The following C1orf21 variants were observed in gnomAD, a reference collection of about 807,000 sequenced individuals.
C1orf21 encodes the protein chromosome 1 open reading frame 21, also known as uncharacterized protein C1orf21.
A neutral mutation model predicts 18.7 loss-of-function variants in C1orf21; 3 were observed. That is an observed-to-expected ratio of 0.16 (90% CI 0.07 to 0.42). The LOEUF (loss-of-function observed/expected upper bound fraction) is 0.42, where lower values mean the gene tolerates loss of function less well. Among genes scored for constraint, C1orf21 ranks in the 10% least tolerant of loss-of-function variants. C1orf21 has a pLI of 0.99. For synonymous variants in C1orf21, 41 were observed against 46.4 expected, an observed-to-expected ratio of 0.88 and a Z score of 0.47; for missense variants, 104 against 143.6, an observed-to-expected ratio of 0.72 and a Z score of 1.41.
chr1:184,478,057 GT>G (rs200576585), intron 2 of C1orf21, among the ~76,000 whole-genome samples: 2 of 151,964 alleles, frequency 1.3e-5, no homozygotes, highest in African/African-American at 4.8e-5. Flanking sequence ...GAACATGGAG[GT>G]TTTTTTTGCA....
At chr1:184,396,189 CA>C (rs1167313485) in intron 1 of C1orf21, among the ~76,000 whole-genome samples, 1 of 152,066 alleles carries the variant, frequency 6.6e-6, no homozygotes, top group Non-Finnish European at 1.5e-5. Context: ...ACTTTTTGCC[CA>C]CAATATAAGC....
intron 3 of C1orf21, among the ~76,000 whole-genome samples, chr1:184,519,412 A>G (rs1241111465): frequency 6.6e-6 from 1 of 152,244 alleles, no homozygotes; most frequent in Non-Finnish European, 1.5e-5. Flanking sequence ...TAGAAAGTAG[A>G]AAGAAGCTCT....
intron 1 of C1orf21, among the ~76,000 whole-genome samples, chr1:184,447,405 G>A (rs572508947): frequency 1.3e-5 from 2 of 152,140 alleles, no homozygotes; most frequent in African/African-American, 2.4e-5. Context: ...GAATAATCAC[G>A]TTTCATGGCT....
rs6693776 is a variant in C1orf21 at position 184,511,057 on chromosome 1, G to A, written c.189+3375G>A. Among the ~76,000 whole-genome samples, 421 of 152,308 alleles carry A rather than the reference G, an allele frequency of 2.8e-3. 1 individual carries two copies. Among genetic ancestry groups the A allele is most frequent in the African/African-American group, 9.2e-3 (383 of 41,574 alleles). ...TGCCAAGATTTAGACCCGCTGGAAC[G>A]ATGATGAGTTGGTGGTGGTGAGAGT... is the stretch of plus-strand genomic sequence containing the variant. On this transcript the variant is annotated intron_variant, in intron 3 of 5. Transcript: ENST00000235307.
At chr1:184,512,978 C>T (rs1037379536) in intron 3 of C1orf21, among the ~76,000 whole-genome samples, 6 of 152,204 alleles carry the variant, frequency 3.9e-5, no homozygotes, top group African/African-American at 1.4e-4. Flanking sequence ...CATAGGAGAA[C>T]AAGCCCTATC....
intron 5 of C1orf21, among the ~76,000 whole-genome samples, chr1:184,606,667 A>G (rs1188725769): frequency 6.6e-6 from 1 of 152,140 alleles, no homozygotes; most frequent in Non-Finnish European, 1.5e-5. Context: ...AAACAAAATC[A>G]TAGAAATTGT....
intron 3 of C1orf21, among the ~76,000 whole-genome samples, chr1:184,525,534 A>C (rs1242269611): frequency 6.6e-6 from 1 of 152,126 alleles, no homozygotes; most frequent in Non-Finnish European, 1.5e-5. Flanking sequence ...TGATATGCAC[A>C]GGAACTTAGT....
chr1:184,416,317 A>G (rs1017056035), intron 1 of C1orf21, among the ~76,000 whole-genome samples: 5 of 152,190 alleles, frequency 3.3e-5, no homozygotes, highest in African/African-American at 1.2e-4. Context: ...GATGATTTTA[A>G]CCTATAAGAA....
intron 2 of C1orf21, among the ~76,000 whole-genome samples, chr1:184,497,767 G>A (rs1657914064): frequency 6.6e-6 from 1 of 152,146 alleles, no homozygotes; most frequent in African/African-American, 2.4e-5. Flanking sequence ...GTATAACCCA[G>A]ATAAAGTCAG....
chr1:184,400,676 A>ATTT (rs1198710642), intron 1 of C1orf21, among the ~76,000 whole-genome samples: 6 of 148,394 alleles, frequency 4.0e-5, no homozygotes, highest in East Asian at 2.0e-4. Flanking sequence ...TTAGTGGGGA[A>ATTT]TTTTTTGTTG....
chr1:184,519,283 A>C (rs1658272764), intron 3 of C1orf21, among the ~76,000 whole-genome samples: 1 of 152,150 alleles, frequency 6.6e-6, no homozygotes, highest in Non-Finnish European at 1.5e-5. Flanking sequence ...CTGTCCAGTA[A>C]AGGATAGCAT....
At chr1:184,471,482 A>G (rs1657496016) in intron 1 of C1orf21, among the ~76,000 whole-genome samples, 1 of 152,108 alleles carries the variant, frequency 6.6e-6, no homozygotes, top group African/African-American at 2.4e-5. Context: ...CATCCTTTAT[A>G]TCACTACTTG....
chr1:184,411,313 C>CT (rs1488851190), intron 1 of C1orf21, among the ~76,000 whole-genome samples: 1 of 151,424 alleles, frequency 6.6e-6, no homozygotes, highest in East Asian at 1.9e-4. Context: ...TAGAATGTTG[C>CT]TTGCTGGGCA....
chr1:184,448,451 G>A (rs1374788648), intron 1 of C1orf21, among the ~76,000 whole-genome samples: 3 of 152,330 alleles, frequency 2.0e-5, no homozygotes, highest in African/African-American at 7.2e-5. Flanking sequence ...GAATCCTTGG[G>A]TGCTACATAT....
intron 4 of C1orf21, among the ~76,000 whole-genome samples, chr1:184,595,536 T>C (rs1219131407): frequency 6.6e-6 from 1 of 152,200 alleles, no homozygotes; most frequent in African/African-American, 2.4e-5. Context: ...TCAGTTGATA[T>C]GGGGAAATTT....
At chr1:184,517,868 C>G (rs2101967923) in intron 3 of C1orf21, among the ~76,000 whole-genome samples, 1 of 152,348 alleles carries the variant, frequency 6.6e-6, no homozygotes, top group East Asian at 1.9e-4. Flanking sequence ...AGTAGTCTCT[C>G]TCCTTATTCT....
At chr1:184,590,001 C>G (rs1659413590) in intron 3 of C1orf21, among the ~76,000 whole-genome samples, 1 of 152,098 alleles carries the variant, frequency 6.6e-6, no homozygotes, top group African/African-American at 2.4e-5. Flanking sequence ...GTGGTCTTTC[C>G]TTTCATTTCA....
chr1:184,577,600 G>A (rs1191154983), intron 3 of C1orf21, among the ~76,000 whole-genome samples: 1 of 152,092 alleles, frequency 6.6e-6, no homozygotes, highest in African/African-American at 2.4e-5. Context: ...GGCTTCTATG[G>A]CACAATGAGT....
rs75546192 is a variant in C1orf21 at position 184,469,486 on chromosome 1, C to T, written c.-124-7900C>T. Among the ~76,000 whole-genome samples, 1,322 of 152,290 alleles carry T rather than the reference C, an allele frequency of 8.7e-3. 22 individuals are homozygous for T. The highest frequency in any genetic ancestry group is 0.03 in the African/African-American group (1,229 of 41,556). ...AGGCTTTGCAATTCAATGATGAAAA[C>T]ACATGTGCTTTTCAGATGTGTGCAT... is the stretch of plus-strand genomic sequence containing the variant. On this transcript the variant is annotated intron_variant, in intron 1 of 5. Transcript: ENST00000235307.
Sources: allele counts gnomAD v4.1 joint callset (sites outside exome capture counted in the v4.1 genomes callset), GRCh38; gene constraint gnomAD v4.1.1; transcripts MANE v1.5; gene names NCBI Gene and HGNC (gene_info 2026-07-23, HGNC 2026-07-21).